Variants in IGSF9B observed in about 807,000 individuals in gnomAD.
IGSF9B encodes immunoglobulin superfamily member 9B, also known as protein turtle homolog B.
In IGSF9B, 48 loss-of-function variants were observed where a neutral mutation model predicts 143.7. That is an observed-to-expected ratio of 0.33 (90% CI 0.26 to 0.42). The LOEUF (loss-of-function observed/expected upper bound fraction) is 0.42, where lower values mean the gene tolerates loss of function less well. Ranked by LOEUF, IGSF9B falls within the 20% of genes least tolerant of loss-of-function variation. The pLI, the probability that IGSF9B is intolerant of heterozygous loss-of-function variation, is 1.00. For missense variants in IGSF9B, 1,706 were observed against 1,980.0 expected (o/e 0.86, Z 2.63); for synonymous variants, 903 against 833.1 (o/e 1.08, Z -1.44).
rs1199458210 is a variant in IGSF9B at position 133,902,366 on chromosome 11, GACACACCACACACA to G, written c.*6689_*6702del. ...CACACACATACACAACCACACAATA[GACACACCACACACA>G]ACACACCACACAATACGCACAACAC... On this transcript the variant is annotated 3_prime_UTR_variant, in exon 20 of 20. Transcript: ENST00000533871. Among the ~76,000 whole-genome samples, 2 of 113,944 alleles carry G rather than the reference GACACACCACACACA, an allele frequency of 1.8e-5. No homozygotes were observed. Among genetic ancestry groups the G allele is most frequent in the East Asian group, 2.9e-4 (1 of 3,488 alleles). The allele number at this position is 113,944 out of a possible 152,430, so 74.8% of individuals were successfully genotyped here. A position where few individuals can be genotyped will look rare whatever the true frequency, so the allele number is the denominator to read the frequency against.
Position 133,907,319 on chromosome 11 carries a change from C to G in IGSF9B, c.*1750G>C, listed in dbSNP as rs1939223646. ...ACGCCAAGAAGAGACAGCAGCCATC[C>G]AAGGCCTCATCCTGCGAGGTCACTG... On this transcript the variant is annotated 3_prime_UTR_variant, in exon 20 of 20. Transcript: ENST00000533871. 6.6e-6 allele frequency among the ~76,000 whole-genome samples: 1 copy of G among 152,208 alleles called. No individual in the cohort carries two copies. Among genetic ancestry groups the G allele is most frequent in the Non-Finnish European group, 1.5e-5 (1 of 68,040 alleles).
chr11:133,920,198 C>T lies in IGSF9B; in HGVS notation c.3527G>A (p.Arg1176Gln), dbSNP rs1318554507. 4.0e-6 allele frequency: 6 copies of T among 1,513,076 alleles called. No homozygotes were observed. Among genetic ancestry groups the T allele is most frequent in the Non-Finnish European group, 4.4e-6 (5 of 1,131,140 alleles). The allele number at this position is 1,513,076 out of a possible 1,614,324, so 93.7% of individuals were successfully genotyped here. A position where few individuals can be genotyped will look rare whatever the true frequency, so the allele number is the denominator to read the frequency against. Residue 1176 changes from arginine (R) to glutamine (Q), a missense_variant, in exon 18 of 20, where the codon CGG becomes CAG. By Grantham distance (43) the Arg-to-Gln change is conservative (BLOSUM62 1). Coordinates refer to ENST00000533871, the MANE Select transcript of IGSF9B (RefSeq NM_001277285.4). ...LDTRWYEPQP[R>Q]PRPSPRQARR... is the part of the protein sequence containing the mutation. ...GGCCTGCCGAGGGCTAGGCCGGGGC[C>T]GGGGCTGGGGCTCATACCACCGGGT...
intron 1 of IGSF9B, among the ~76,000 whole-genome samples, chr11:133,947,708 T>TTTTC (rs1555098681): frequency 1.5e-5 from 2 of 134,800 alleles, no homozygotes; most frequent in Non-Finnish European, 3.2e-5. Flanking sequence ...TCTGTGTTTG[T>TTTTC]TCTCTCTCTC....
intron 3 of IGSF9B, among the ~76,000 whole-genome samples, chr11:133,940,552 GCACGCGTCATCACATGC>G: frequency 7.4e-6 from 1 of 135,672 alleles, no homozygotes; most frequent in Admixed American, 7.7e-5. Context: ...GCATGTCCTC[GCACGCGTCATCACATGC>G]AAAAACACAC....
rs534872755 is a variant in IGSF9B, at chr11:133,945,471, C to T, written c.262+590G>A. 1.8e-3 allele frequency among the ~76,000 whole-genome samples: 274 copies of T among 152,286 alleles called. No homozygotes were observed. The highest frequency in any genetic ancestry group is 6.1e-3 in the African/African-American group (255 of 41,572). Reference sequence around the variant, plus strand: ...GCTCGCTCAATGACACGCACACGCACGCACACACACACCCACGCCCTCCTC... The same window carrying T: ...GCTCGCTCAATGACACGCACACGCATGCACACACACACCCACGCCCTCCTC... On this transcript the variant is annotated intron_variant, in intron 2 of 19. Coordinates refer to ENST00000533871, the MANE Select transcript of IGSF9B (RefSeq NM_001277285.4). This position sits in a 1 kb window ranked among gnomAD's most constrained non-coding sequence, Gnocchi z 4.6.
chr11:133,936,053 T>C lies in IGSF9B; in HGVS notation c.821A>G (p.Asn274Ser), dbSNP rs2121319556. ...TGAAAAGTCAGAGCAGGGTGCTCAC[T>C]TCTGAAAGTAGACGTTCTCGTCCTG... Reference protein sequence around the residue: ...YWQDENVYFQNDLKLRVRILI... With the variant: ...YWQDENVYFQSDLKLRVRILI... The change falls in exon 6 of 20, where the codon AAC becomes AGC. Residue 274 changes from asparagine (N) to serine (S), a missense_variant and splice_region_variant. Asn to Ser is a conservative substitution (Grantham distance 46). Coordinates refer to ENST00000533871, the MANE Select transcript of IGSF9B (RefSeq NM_001277285.4). 6.2e-7 allele frequency: 1 copy of C among 1,613,426 alleles called. No individual in the cohort carries two copies. The highest frequency in any genetic ancestry group is 1.1e-5 in the South Asian group (1 of 90,906).
Position 133,919,077 on chromosome 11 carries a change from C to A in IGSF9B, c.3983+665G>T, listed in dbSNP as rs200886253. 936 of 430,184 alleles carry A rather than the reference C, an allele frequency of 2.2e-3. 3 individuals carry two copies. The highest frequency in any genetic ancestry group is 3.4e-3 in the Non-Finnish European group (715 of 212,090). The allele number at this position is 430,184 out of a possible 1,614,324, so 26.6% of individuals were successfully genotyped here. A position where few individuals can be genotyped will look rare whatever the true frequency, so the allele number is the denominator to read the frequency against. On this transcript the variant is annotated intron_variant, in intron 18 of 19. Transcript: ENST00000533871. ...AGTGCTCTCTCAGGCGGGCTGGTCG[C>A]GGGAGCTGGTCTGTCTCTCTGCAGC... is the stretch of plus-strand genomic sequence containing the variant.
intron 19 of IGSF9B, among the ~76,000 whole-genome samples, chr11:133,911,449 G>T (rs1939300076): frequency 6.6e-6 from 1 of 152,208 alleles, no homozygotes. Context: ...TAGAGGGGAA[G>T]TAAGGAAGGA....
At chr11:133,940,222 G>A (rs529843526) in intron 3 of IGSF9B, among the ~76,000 whole-genome samples, 26 of 131,450 alleles carry the variant, frequency 2.0e-4, no homozygotes, top group Middle Eastern at 0.012. Flanking sequence ...CCTCGCACGC[G>A]TCATCGCACG....
chr11:133,939,893 TAC>T (rs950918999), intron 3 of IGSF9B, among the ~76,000 whole-genome samples: 2 of 123,634 alleles, frequency 1.6e-5, no homozygotes, highest in South Asian at 2.9e-4. Context: ...CGTCATCACA[TAC>T]AGAAACATAC....
rs891702109 is a variant in IGSF9B at position 133,903,069 on chromosome 11, G to A, written c.*6000C>T. On this transcript the variant is annotated 3_prime_UTR_variant, in exon 20 of 20. Transcript: ENST00000533871. ...CCACCACCTCCCCATCGTAAACCACGCACATGTTCACGATCCCTGGAGCCA... is the reference window on the plus strand; with the variant it reads ...CCACCACCTCCCCATCGTAAACCACACACATGTTCACGATCCCTGGAGCCA... Among the ~76,000 whole-genome samples, 5 of 147,282 alleles carry A rather than the reference G, an allele frequency of 3.4e-5. No individual in the cohort carries two copies. Among genetic ancestry groups the A allele is most frequent in the East Asian group, 2.1e-4 (1 of 4,724 alleles).
chr11:133,954,880 C>T (rs986411500), intron 1 of IGSF9B, among the ~76,000 whole-genome samples: 1 of 152,212 alleles, frequency 6.6e-6, no homozygotes, highest in African/African-American at 2.4e-5. Flanking sequence ...TGAAAGAGGG[C>T]ATAACCTTCA....
At chr11:133,932,320 C>T in intron 7 of IGSF9B, 107 bp from the exon 8 acceptor site, 1 of 1,202,292 alleles carries the variant, frequency 8.3e-7, no homozygotes, top group Non-Finnish European at 1.1e-6. Context: ...CACAGGGAAG[C>T]CAGGTGGGAG....
chr11:133,944,594 A>G lies in IGSF9B; in HGVS notation c.263-228T>C, dbSNP rs555254888. Reference sequence around the variant, plus strand: ...CTCCCGCCCCAGCTGGCCCTGCCCCAGCCTGCAAGGCAACTCAATGCACTT... The same window carrying G: ...CTCCCGCCCCAGCTGGCCCTGCCCCGGCCTGCAAGGCAACTCAATGCACTT... On this transcript the variant is annotated intron_variant, in intron 2 of 19. Transcript: ENST00000533871. 8.1e-4 allele frequency among the ~76,000 whole-genome samples: 123 copies of G among 152,360 alleles called. 1 individual carries two copies. Among genetic ancestry groups the G allele is most frequent in the East Asian group, 5.8e-4 (3 of 5,182 alleles).
At chr11:133,919,664 CGGGGTG>C (rs1939472175) in intron 18 of IGSF9B, 72 bp downstream of exon 18, 1 of 925,426 alleles carries the variant, frequency 1.1e-6, no homozygotes, top group Non-Finnish European at 1.5e-6. Context: ...GGCGGATGGA[CGGGGTG>C]GAGGGCAGGG....
chr11:133,929,878 G>C, intron 11 of IGSF9B, 96 bp from the exon 12 acceptor site: 1 of 772,114 alleles, frequency 1.3e-6, no homozygotes, highest in Non-Finnish European at 2.2e-6. Flanking sequence ...AGGCTGAAGC[G>C]CATGGCAGCG....
rs1940268837 is a variant in IGSF9B at position 133,956,905 on chromosome 11, C to T, written c.-151G>A. 7 of 405,324 alleles carry T rather than the reference C, an allele frequency of 1.7e-5. No homozygotes were observed. In the South Asian group the frequency reaches 8.6e-4, roughly 50 times the overall value. The allele number at this position is 405,324 out of a possible 1,614,324, so 25.1% of individuals were successfully genotyped here. On this transcript the variant is annotated 5_prime_UTR_variant, in exon 1 of 20. Coordinates refer to ENST00000533871, the MANE Select transcript of IGSF9B (RefSeq NM_001277285.4). Reference sequence around the variant, plus strand: ...GCAGCCCGGGTGGCCAGCTCTCCATCCCTCCTAGGCTCCGCTCGGCTCGGC... The same window carrying T: ...GCAGCCCGGGTGGCCAGCTCTCCATTCCTCCTAGGCTCCGCTCGGCTCGGC...
At chr11:133,943,467 C>CTAGA (rs897141830) in intron 3 of IGSF9B, among the ~76,000 whole-genome samples, 1 of 152,164 alleles carries the variant, frequency 6.6e-6, no homozygotes, top group African/African-American at 2.4e-5. Context: ...AGGACCCAGC[C>CTAGA]TCTAGTGCTG....
At chr11:133,937,993 G>GC (rs1565441966) in intron 3 of IGSF9B, 32 bp from the exon 4 acceptor site, 2 of 1,607,390 alleles carry the variant, frequency 1.2e-6, no homozygotes, top group South Asian at 2.2e-5. Flanking sequence ...TGAAGGACAC[G>GC]CCATCAGCCA....
Sources: gnomAD v4.1 joint callset for allele counts (sites outside exome capture counted in the v4.1 genomes callset) on GRCh38, gnomAD v4.1.1 for gene constraint, Gnocchi (gnomAD v3.1) non-coding constraint, MANE v1.5 for transcripts, NCBI Gene and HGNC (gene_info 2026-07-23, HGNC 2026-07-21) for gene names.